CTNNA3: variants seen among roughly 807,000 people sequenced by gnomAD.
CTNNA3 encodes the protein catenin alpha-3.
A neutral mutation model predicts 95.7 loss-of-function variants in CTNNA3; 76 were observed. The observed-to-expected ratio is 0.79, with a 90% CI of 0.66 to 0.96. CTNNA3 has a LOEUF of 0.96. CTNNA3 is among the 40% of genes least tolerant of loss of function. CTNNA3 has a pLI of 0.00. For missense variants in CTNNA3, 1,191 were observed against 1,089.8 expected, an observed-to-expected ratio of 1.09 and a Z score of -1.31; for synonymous variants, 431 against 374.4, an observed-to-expected ratio of 1.15 and a Z score of -1.74.
At chr10:66,244,089 A>G (rs540659110) in intron 13 of CTNNA3, among the ~76,000 whole-genome samples, 1 of 152,322 alleles carries the variant, frequency 6.6e-6, no homozygotes, top group East Asian at 1.9e-4. Flanking sequence ...TGGGTCTTAA[A>G]TGAACATTGG....
chr10:66,434,108 A>C (rs1253677698), intron 11 of CTNNA3, among the ~76,000 whole-genome samples: 1 of 152,028 alleles, frequency 6.6e-6, no homozygotes, highest in African/African-American at 2.4e-5. Context: ...TTTGCTTAGG[A>C]TTGTCTTGGC....
chr10:66,931,563 G>A (rs898130318), intron 7 of CTNNA3, among the ~76,000 whole-genome samples: 7 of 152,138 alleles, frequency 4.6e-5, no homozygotes, highest in Admixed American at 2.0e-4. Flanking sequence ...CTAGTGTCTG[G>A]TTAGACTAAC....
chr10:66,631,555 C>G (rs1000971786), intron 9 of CTNNA3, among the ~76,000 whole-genome samples: 1 of 152,074 alleles, frequency 6.6e-6, no homozygotes, highest in Admixed American at 6.6e-5. Context: ...TATGCCTATT[C>G]TGATTAAAGC....
At chr10:66,694,872 G>A (rs931597626) in intron 9 of CTNNA3, among the ~76,000 whole-genome samples, 2 of 151,998 alleles carry the variant, frequency 1.3e-5, no homozygotes, top group Admixed American at 1.3e-4. Context: ...TTTAAATTTG[G>A]TATTTCCTCT....
At chr10:67,562,289 C>T (rs904181703) in intron 3 of CTNNA3, among the ~76,000 whole-genome samples, 1 of 152,156 alleles carries the variant, frequency 6.6e-6, no homozygotes, top group Non-Finnish European at 1.5e-5. Context: ...AGCTTATCCA[C>T]CATGATCAAG....
intron 7 of CTNNA3, among the ~76,000 whole-genome samples, chr10:66,933,326 A>C (rs900984993): frequency 2.6e-5 from 4 of 152,250 alleles, no homozygotes; most frequent in Admixed American, 1.3e-4. Context: ...TACAACAGAC[A>C]TAAAGACACC....
intron 16 of CTNNA3, 101 bp from the exon 17 acceptor site, chr10:65,966,847 A>T (rs902543131): frequency 1.7e-5 from 14 of 841,392 alleles, no homozygotes; most frequent in Non-Finnish European, 2.1e-5. Flanking sequence ...CTTATAAAGC[A>T]GCAATTTTAT....
At chr10:66,012,374 G>A (rs76766228) in intron 15 of CTNNA3, among the ~76,000 whole-genome samples, 9,018 of 152,142 alleles carry the variant, frequency 0.059, 415 homozygotes, top group East Asian at 0.18. Flanking sequence ...AAGAAGTTAT[G>A]TACTAACAGT....
chr10:67,041,784 G>C (rs1854407970), intron 7 of CTNNA3, among the ~76,000 whole-genome samples: 2 of 152,046 alleles, frequency 1.3e-5, no homozygotes, highest in Non-Finnish European at 2.9e-5. Context: ...CTCCAGTTTT[G>C]CTTAGAATTC....
chr10:67,544,725 G>T (rs1188252438), intron 3 of CTNNA3, among the ~76,000 whole-genome samples: 1 of 152,146 alleles, frequency 6.6e-6, no homozygotes, highest in Non-Finnish European at 1.5e-5. Context: ...CCAACCACCA[G>T]ACTGGAAAAC....
At chr10:67,233,937 A>G (rs980569046) in intron 5 of CTNNA3, among the ~76,000 whole-genome samples, 7 of 152,334 alleles carry the variant, frequency 4.6e-5, no homozygotes, top group African/African-American at 9.6e-5. Flanking sequence ...TCCTCGACAC[A>G]TACACCCTCC....
intron 3 of CTNNA3, among the ~76,000 whole-genome samples, chr10:67,568,204 A>G (rs140697000): frequency 6.8e-6 from 1 of 148,074 alleles, no homozygotes; most frequent in Non-Finnish European, 1.5e-5. Context: ...CTTCATCTCA[A>G]TGTTTGCAAG....
At chr10:67,072,578 C>T (rs552780869) in intron 7 of CTNNA3, among the ~76,000 whole-genome samples, 1 of 152,320 alleles carries the variant, frequency 6.6e-6, no homozygotes, top group East Asian at 1.9e-4. Context: ...ACCAAGGACT[C>T]AGCTGGGTTG....
chr10:67,335,950 C>T (rs1434766885), intron 5 of CTNNA3, among the ~76,000 whole-genome samples: 1 of 151,692 alleles, frequency 6.6e-6, no homozygotes, highest in Non-Finnish European at 1.5e-5. Flanking sequence ...ATTTTTCCAA[C>T]ACCATGTGCT....
chr10:67,680,534 C>T (rs1348070370), intron 1 of CTNNA3, among the ~76,000 whole-genome samples: 1 of 152,096 alleles, frequency 6.6e-6, no homozygotes, highest in East Asian at 1.9e-4. Flanking sequence ...CGGTAGAAAC[C>T]AGTACTTCTG....
chr10:67,116,743 T>A (rs372850922), intron 7 of CTNNA3, among the ~76,000 whole-genome samples: 11 of 139,618 alleles, frequency 7.9e-5, no homozygotes, highest in South Asian at 6.8e-4. Context: ...TATATATATA[T>A]AATATATAAA....
intron 7 of CTNNA3, among the ~76,000 whole-genome samples, chr10:67,017,213 A>G (rs1015796709): frequency 5.3e-5 from 8 of 152,212 alleles, no homozygotes; most frequent in Admixed American, 2.0e-4. Context: ...TTTAACTAAT[A>G]TTCATTGAGG....
At chr10:66,351,611 A>T (rs2092567575) in intron 12 of CTNNA3, among the ~76,000 whole-genome samples, 1 of 152,062 alleles carries the variant, frequency 6.6e-6, no homozygotes, top group Non-Finnish European at 1.5e-5. Flanking sequence ...TGCTGCAAGT[A>T]GATGGTTAAA....
At chr10:67,077,160 C>T (rs937598062) in intron 7 of CTNNA3, among the ~76,000 whole-genome samples, 1 of 152,202 alleles carries the variant, frequency 6.6e-6, no homozygotes, top group Non-Finnish European at 1.5e-5. Flanking sequence ...CCTGCATCCA[C>T]ACTGCCATCT....
Sources: gnomAD v4.1 joint callset for allele counts (sites outside exome capture counted in the v4.1 genomes callset) on GRCh38, gnomAD v4.1.1 for gene constraint, MANE v1.5 for transcripts, NCBI Gene and HGNC (gene_info 2026-07-23, HGNC 2026-07-21) for gene names.